Variants in PTPRT observed in about 807,000 individuals in gnomAD.
The protein encoded by PTPRT is protein tyrosine phosphatase receptor type T.
A neutral mutation model predicts 176.8 loss-of-function variants in PTPRT; 56 were observed. That is an observed-to-expected ratio of 0.32 (90% CI 0.26 to 0.40). The LOEUF (loss-of-function observed/expected upper bound fraction) is 0.40. PTPRT is among the 10% of genes least tolerant of loss of function. The pLI is 1.00. For synonymous variants in PTPRT, 783 were observed against 739.0 expected (o/e 1.06, Z -0.96); for missense variants, 1,540 against 1,908.2 (o/e 0.81, Z 3.60).
At chr20:42,329,441 C>G (rs2057932610) in intron 11 of PTPRT, among the ~76,000 whole-genome samples, 1 of 146,746 alleles carries the variant, frequency 6.8e-6, no homozygotes, top group African/African-American at 2.5e-5. Flanking sequence ...AGAGGCAGAT[C>G]TAATGGAACA....
At chr20:42,216,517 CCA>C (rs1421469200) in intron 15 of PTPRT, among the ~76,000 whole-genome samples, 1 of 152,176 alleles carries the variant, frequency 6.6e-6, no homozygotes, top group Non-Finnish European at 1.5e-5. Flanking sequence ...GTTTTGTATC[CCA>C]GTCATTTGCC....
chr20:42,492,789 G>A (rs1171663214), intron 7 of PTPRT, among the ~76,000 whole-genome samples: 1 of 152,110 alleles, frequency 6.6e-6, no homozygotes, highest in Non-Finnish European at 1.5e-5. Context: ...TAATTGGGCT[G>A]CTTTTATGGC....
chr20:42,971,946 A>C (rs969038093), intron 1 of PTPRT, among the ~76,000 whole-genome samples: 3 of 152,058 alleles, frequency 2.0e-5, no homozygotes, highest in African/African-American at 7.2e-5. Flanking sequence ...CTCACATACT[A>C]GTAGGCTGAG....
intron 1 of PTPRT, among the ~76,000 whole-genome samples, chr20:42,988,848 T>C (rs911971941): frequency 4.6e-5 from 7 of 152,162 alleles, no homozygotes; most frequent in African/African-American, 1.7e-4. Context: ...CCTTGTGACC[T>C]GCAACTGCCA....
At chr20:42,935,543 C>A (rs1456061217) in intron 1 of PTPRT, among the ~76,000 whole-genome samples, 1 of 152,162 alleles carries the variant, frequency 6.6e-6, no homozygotes, top group Non-Finnish European at 1.5e-5. Context: ...TTATTGAGAG[C>A]CATGGCAAGG....
At chr20:42,118,716 T>C (rs1309208124) in intron 20 of PTPRT, among the ~76,000 whole-genome samples, 6 of 152,012 alleles carry the variant, frequency 3.9e-5, no homozygotes, top group Admixed American at 3.9e-4. Context: ...CATTCCAAGC[T>C]CTCACAATCT....
intron 7 of PTPRT, among the ~76,000 whole-genome samples, chr20:42,484,364 TA>T (rs1259043337): frequency 6.6e-6 from 1 of 152,238 alleles, no homozygotes; most frequent in Admixed American, 6.5e-5. Context: ...TTTTCTTTCT[TA>T]ACTACAATTA....
chr20:42,439,432 T>C (rs1233394209), intron 9 of PTPRT, among the ~76,000 whole-genome samples: 1 of 152,208 alleles, frequency 6.6e-6, no homozygotes, highest in African/African-American at 2.4e-5. Flanking sequence ...CCTCCCTATG[T>C]TTCTTCAATT....
chr20:42,034,957 T>C, the PTPRT span, among the ~76,000 whole-genome samples: 1 of 152,116 alleles, frequency 6.6e-6, no homozygotes, highest in South Asian at 2.1e-4. Context: ...GGACCCTGGG[T>C]TGGGGAGTCT....
chr20:42,332,230 G>C (rs565425599), intron 11 of PTPRT, among the ~76,000 whole-genome samples: 1 of 152,084 alleles, frequency 6.6e-6, no homozygotes, highest in East Asian at 1.9e-4. Flanking sequence ...TTGTTTTTGA[G>C]ATGGAGTCTC....
chr20:43,106,699 C>G (rs1057114375), intron 1 of PTPRT, among the ~76,000 whole-genome samples: 1 of 25,192 alleles, frequency 4.0e-5, no homozygotes, highest in Non-Finnish European at 7.7e-5. Context: ...AATGAAGGAA[C>G]AAAGGAAAGA....
intron 7 of PTPRT, among the ~76,000 whole-genome samples, chr20:42,677,505 C>T (rs1388843708): frequency 6.6e-6 from 1 of 152,066 alleles, no homozygotes; most frequent in East Asian, 1.9e-4. Flanking sequence ...AAATTATTAG[C>T]ATTAGAAAGC....
At chr20:42,299,388 G>A (rs188766524) in intron 12 of PTPRT, among the ~76,000 whole-genome samples, 2 of 152,048 alleles carry the variant, frequency 1.3e-5, no homozygotes, top group African/African-American at 2.4e-5. Flanking sequence ...TCAACACAAC[G>A]GTTTGCATAT....
chr20:42,808,787 A>G (rs769209129), intron 2 of PTPRT, among the ~76,000 whole-genome samples: 19 of 152,170 alleles, frequency 1.2e-4, no homozygotes, highest in Non-Finnish European at 2.5e-4. Flanking sequence ...GAAATCCCTA[A>G]GTATAAGGAC....
At chr20:42,592,106 A>G (rs1317429001) in intron 7 of PTPRT, among the ~76,000 whole-genome samples, 1 of 148,878 alleles carries the variant, frequency 6.7e-6, no homozygotes, top group African/African-American at 2.5e-5. Context: ...CAGCCTCCCG[A>G]GTAGCTGGGA....
intron 1 of PTPRT, among the ~76,000 whole-genome samples, chr20:43,152,680 G>A (rs1197995430): frequency 6.6e-6 from 1 of 152,120 alleles, no homozygotes; most frequent in Non-Finnish European, 1.5e-5. Context: ...ATGATACTCA[G>A]GTGAATGATA....
At chr20:42,110,800 G>GTCTT (rs1986943577) in intron 22 of PTPRT, among the ~76,000 whole-genome samples, 1 of 152,216 alleles carries the variant, frequency 6.6e-6, no homozygotes, top group South Asian at 2.1e-4. Flanking sequence ...CTAGGGGATC[G>GTCTT]TCTTTGACAA....
rs947487482 is a variant in PTPRT at position 42,115,946 on chromosome 20, G to A, written c.2983-631C>T. On this transcript the variant is annotated intron_variant, in intron 21 of 30. Transcript: ENST00000373187. ...GCAGTTCCTCTCTGACCCTGGACGC[G>A]AGCAAGCCATTCCCCAGTCGACTGT... The A allele has an allele frequency of 2.3e-5, 16 of 692,576 alleles. 2 individuals carry two copies. The highest frequency in any genetic ancestry group is 2.1e-4 in the Admixed American group (10 of 47,244). 42.9% of individuals were successfully genotyped at this position (692,576 alleles called of 1,614,324 possible).
chr20:42,169,777 C>CAG (rs1487860821), intron 16 of PTPRT, among the ~76,000 whole-genome samples: 1 of 145,270 alleles, frequency 6.9e-6, no homozygotes, highest in African/African-American at 2.5e-5. Context: ...CACACACACA[C>CAG]ACACACACAC....
Sources: gnomAD v4.1 joint callset for allele counts (sites outside exome capture counted in the v4.1 genomes callset) on GRCh38, gnomAD v4.1.1 for gene constraint, MANE v1.5 for transcripts, NCBI Gene and HGNC (gene_info 2026-07-23, HGNC 2026-07-21) for gene names.